The following EYS variants were observed in gnomAD, a reference collection of about 807,000 sequenced individuals.
EYS encodes EGF-like photoreceptor maintenance factor, also known as protein eyes shut homolog.
Under a neutral mutation model 282.1 loss-of-function variants are expected in EYS, and 250 were observed. The ratio of observed to expected loss-of-function variants is 0.89; its 90% confidence interval spans 0.80 to 0.98. The LOEUF (loss-of-function observed/expected upper bound fraction) is 0.98. EYS is among the 50% of genes least tolerant of loss of function. The probability of loss-of-function intolerance (pLI) is 0.00; values close to 1 mark genes in which losing one functional copy is unlikely to be tolerated. For missense variants in EYS, 4,016 were observed against 3,709.0 expected, an observed-to-expected ratio of 1.08 and a Z score of -2.15; for synonymous variants, 1,355 against 1,282.9, an observed-to-expected ratio of 1.06 and a Z score of -1.20.
chr6:64,237,514 G>T (rs1283153367), intron 30 of EYS, among the ~76,000 whole-genome samples: 1 of 152,190 alleles, frequency 6.6e-6, no homozygotes, highest in African/African-American at 2.4e-5. Context: ...GAGTTTTTTA[G>T]TTGCCAGGTG....
In EYS at chr6:64,897,758, T is replaced by C. The variant is rs577127340; in HGVS notation, c.2846+4355A>G. Reference sequence around the variant, plus strand: ...AGAATAACCAGTTTAGAGAAGAACATAAATGACCTGATGGAGCTGAAAGCC... The same window carrying C: ...AGAATAACCAGTTTAGAGAAGAACACAAATGACCTGATGGAGCTGAAAGCC... On this transcript the variant is annotated intron_variant, in intron 18 of 42. Coordinates refer to ENST00000503581, the MANE Select transcript of EYS (RefSeq NM_001142800.2). Among the ~76,000 whole-genome samples the C allele has an allele frequency of 9.2e-5, 14 of 151,658 alleles. No individual in the cohort carries two copies. In the South Asian group the frequency reaches 1.0e-3, roughly 11 times the overall value.
intron 29 of EYS, among the ~76,000 whole-genome samples, chr6:64,318,870 G>T (rs1770089045): frequency 6.6e-6 from 1 of 151,606 alleles, no homozygotes; most frequent in African/African-American, 2.4e-5. Flanking sequence ...GGTAAATGGG[G>T]TATCCAGCAC....
At chr6:64,988,166 C>A (rs1251921027) in intron 14 of EYS, among the ~76,000 whole-genome samples, 1 of 151,224 alleles carries the variant, frequency 6.6e-6, no homozygotes, top group Non-Finnish European at 1.5e-5. Context: ...ACCAGGGGAA[C>A]TGACCTAAAA....
chr6:65,468,253 AC>A lies in EYS; in HGVS notation c.862+22340del, dbSNP rs1765080181. Among the ~76,000 whole-genome samples the A allele has an allele frequency of 3.3e-5, 5 of 152,310 alleles. No homozygotes were observed. The South Asian group carries it at 1.0e-3, about 32-fold the overall frequency. The stretch of plus-strand genomic sequence containing the variant: ...CGAAGCTACAAGAAGAGACAGTGAC[AC>A]ATATAACTTATTTTTGCTGTTTTCT... On this transcript the variant is annotated intron_variant, in intron 5 of 42. Transcript: ENST00000503581.
chr6:64,626,375 G>A (rs991171989), intron 22 of EYS, 130 bp from the exon 23 acceptor site: 24 of 1,082,228 alleles, frequency 2.2e-5, no homozygotes, highest in Non-Finnish European at 3.1e-5. Flanking sequence ...AGCCTTCCTT[G>A]GGGTGACAAT....
chr6:65,160,502 TG>T (rs562276560), intron 12 of EYS, among the ~76,000 whole-genome samples: 12 of 150,946 alleles, frequency 7.9e-5, no homozygotes, highest in African/African-American at 2.7e-4. Context: ...TTTTCAAAGT[TG>T]GGGGCACTTA....
At chr6:64,513,921 C>T (rs1777483567) in intron 26 of EYS, among the ~76,000 whole-genome samples, 1 of 151,944 alleles carries the variant, frequency 6.6e-6, no homozygotes, top group Non-Finnish European at 1.5e-5. Flanking sequence ...GAACAGAAAG[C>T]AGTATGACCA....
chr6:64,439,023 A>G, intron 27 of EYS, 139 bp downstream of exon 27: 1 of 411,916 alleles, frequency 2.4e-6, no homozygotes, highest in Middle Eastern at 6.4e-4. Flanking sequence ...AGAAATTATA[A>G]AAGTAGAGGA....
chr6:64,726,608 T>C (rs1381478243), intron 22 of EYS, among the ~76,000 whole-genome samples: 2 of 152,142 alleles, frequency 1.3e-5, no homozygotes, highest in Admixed American at 6.5e-5. Flanking sequence ...ACTTTTATTC[T>C]ATGATAAATA....
chr6:64,871,749 T>C (rs1326111459), intron 19 of EYS, among the ~76,000 whole-genome samples: 1 of 152,038 alleles, frequency 6.6e-6, no homozygotes, highest in Non-Finnish European at 1.5e-5. Flanking sequence ...AGCTTTGATT[T>C]GTTTTATTCC....
At chr6:65,265,230 C>G (rs1042712226) in intron 12 of EYS, among the ~76,000 whole-genome samples, 17 of 151,974 alleles carry the variant, frequency 1.1e-4, no homozygotes, top group Admixed American at 6.6e-5. Flanking sequence ...ACACACGTAC[C>G]CTCAGGATCC....
At chr6:64,527,619 G>A (rs761309819) in intron 26 of EYS, among the ~76,000 whole-genome samples, 10 of 151,522 alleles carry the variant, frequency 6.6e-5, no homozygotes, top group East Asian at 3.9e-4. Flanking sequence ...AAATATGACC[G>A]AAATAAATGC....
At chr6:64,361,101 G>T (rs1221704599) in intron 29 of EYS, among the ~76,000 whole-genome samples, 1 of 151,580 alleles carries the variant, frequency 6.6e-6, no homozygotes, top group Non-Finnish European at 1.5e-5. Context: ...GGAAAATTTT[G>T]CTCCAAAGAA....
chr6:64,658,972 G>T (rs922904152), intron 22 of EYS, among the ~76,000 whole-genome samples: 5 of 152,144 alleles, frequency 3.3e-5, no homozygotes, highest in African/African-American at 1.2e-4. Context: ...TTCTAAAATT[G>T]ACCACATAGT....
At chr6:64,386,541 A>C (rs1014906478) in intron 29 of EYS, among the ~76,000 whole-genome samples, 1 of 152,144 alleles carries the variant, frequency 6.6e-6, no homozygotes, top group African/African-American at 2.4e-5. Context: ...CACCCTTGAC[A>C]CATGGAGATT....
At chr6:65,562,342 A>C (rs1446317192) in intron 2 of EYS, among the ~76,000 whole-genome samples, 1 of 152,092 alleles carries the variant, frequency 6.6e-6, no homozygotes, top group Non-Finnish European at 1.5e-5. Context: ...TCATAGCCAA[A>C]CAATTTGAAG....
chr6:65,246,475 T>C (rs1391137299), intron 12 of EYS, among the ~76,000 whole-genome samples: 1 of 152,144 alleles, frequency 6.6e-6, no homozygotes, highest in Non-Finnish European at 1.5e-5. Flanking sequence ...AGAACTTTAT[T>C]TGGGTTTAGA....
At chr6:65,385,206 A>C (rs1287957977) in intron 7 of EYS, among the ~76,000 whole-genome samples, 2 of 151,892 alleles carry the variant, frequency 1.3e-5, no homozygotes, top group East Asian at 1.9e-4. Flanking sequence ...TAATGTAAAC[A>C]CCAAATATTT....
At chr6:65,499,296 A>C (rs967608537) in intron 2 of EYS, among the ~76,000 whole-genome samples, 2 of 152,070 alleles carry the variant, frequency 1.3e-5, no homozygotes, top group African/African-American at 4.8e-5. Context: ...AAGCCAAAAA[A>C]TAATTTGAAT....
Sources: gnomAD v4.1 joint callset for allele counts (sites outside exome capture counted in the v4.1 genomes callset) on GRCh38, gnomAD v4.1.1 for gene constraint, MANE v1.5 for transcripts, NCBI Gene and HGNC (gene_info 2026-07-23, HGNC 2026-07-21) for gene names.